Variants in ANKRA2 observed in about 807,000 individuals in gnomAD.
ANKRA2 encodes ankyrin repeat family A protein 2.
ANKRA2 carries 33 observed loss-of-function variants against 37.8 expected under a neutral mutation model. The observed-to-expected ratio is 0.87, with a 90% CI of 0.66 to 1.17. The LOEUF is 1.17. Ranked by LOEUF, ANKRA2 falls within the 50% of genes most tolerant of loss-of-function variation. The pLI, the probability that ANKRA2 is intolerant of heterozygous loss-of-function variation, is 0.00. For synonymous variants in ANKRA2, 126 were observed against 132.3 expected (o/e 0.95, Z 0.33); for missense variants, 326 against 373.7 (o/e 0.87, Z 1.05).
At chr5:73,561,377 G>A in intron 2 of ANKRA2, 89 bp from the exon 3 acceptor site, 1 of 1,218,406 alleles carries the variant, frequency 8.2e-7, no homozygotes, top group Non-Finnish European at 1.2e-6. Context: ...TACATGAGGT[G>A]TAATAGCTTC....
rs1747705152 is a variant in ANKRA2 at position 73,565,384 on chromosome 5, G to A, written c.-357C>T. On this transcript the variant is annotated 5_prime_UTR_variant, in exon 1 of 9. Coordinates refer to ENST00000296785, the MANE Select transcript of ANKRA2 (RefSeq NM_023039.5). Reference sequence around the variant, plus strand: ...AGTCGGGCCTTCCCATCTGAGGCCAGCTTCAGTACAGGCCTCCAAGCCCGG... The same window carrying A: ...AGTCGGGCCTTCCCATCTGAGGCCAACTTCAGTACAGGCCTCCAAGCCCGG... 1 of 163,302 alleles carries A rather than the reference G, an allele frequency of 6.1e-6. No homozygotes were observed. Among genetic ancestry groups the A allele is most frequent in the Non-Finnish European group, 1.4e-5 (1 of 73,722 alleles). 10.1% of individuals were successfully genotyped at this position (163,302 alleles called of 1,614,324 possible). A position where few individuals can be genotyped will look rare whatever the true frequency, so the allele number is the denominator to read the frequency against.
intron 5 of ANKRA2, 83 bp downstream of exon 5, chr5:73,555,405 T>C: frequency 6.4e-7 from 1 of 1,559,530 alleles, no homozygotes; most frequent in Non-Finnish European, 8.7e-7. Flanking sequence ...CCATTATATC[T>C]AGCTGGCTGG....
In ANKRA2 at chr5:73,555,497, TA is replaced by T. The variant is rs1325892820; in HGVS notation, c.602del (p.Leu201HisfsTer11). 6.2e-7 allele frequency: 1 copy of T among 1,613,060 alleles called. No homozygotes were observed. Among genetic ancestry groups the T allele is most frequent in the East Asian group, 2.2e-5 (1 of 44,882 alleles). ...AHGQIAVVEF[L>X]LQNGADPQLL... ...GAGGCATTTTCCTTACATTCTGAAG[TA>T]GGAACTCTACCACAGCTATTTGCCC... On this transcript the variant is annotated frameshift_variant, in exon 5 of 9. Coordinates refer to ENST00000296785, the MANE Select transcript of ANKRA2 (RefSeq NM_023039.5). LOFTEE classifies it high-confidence loss of function.
intron 3 of ANKRA2, 70 bp from the exon 4 acceptor site, chr5:73,557,710 T>C (rs1747439740): frequency 9.1e-7 from 1 of 1,094,786 alleles, no homozygotes; most frequent in South Asian, 1.5e-5. Flanking sequence ...ATGGTTCATG[T>C]TTGTGTCACC....
intron 1 of ANKRA2, among the ~76,000 whole-genome samples, chr5:73,564,325 C>T (rs971594175): frequency 6.6e-6 from 1 of 152,116 alleles, no homozygotes; most frequent in Non-Finnish European, 1.5e-5. Context: ...AGTGCAACTC[C>T]CCTAAGCTCT....
Position 73,557,529 on chromosome 5 carries a change from A to G in ANKRA2, c.514+46T>C, listed in dbSNP as rs766298034. 4 of 1,319,360 alleles carry G rather than the reference A, an allele frequency of 3.0e-6. No homozygotes were observed. In the South Asian group the frequency reaches 4.4e-5, roughly 15 times the overall value. The allele number at this position is 1,319,360 out of a possible 1,614,324, so 81.7% of individuals were successfully genotyped here. On this transcript the variant is annotated intron_variant, in intron 4 of 8. Transcript: ENST00000296785. ...TTAAAATAAAACAATAACAAATCTA[A>G]TAAATCCTATTGAATTTGTTTAAAT...
intron 2 of ANKRA2, among the ~76,000 whole-genome samples, chr5:73,561,748 C>CA (rs1458672005): frequency 6.6e-6 from 1 of 151,350 alleles, no homozygotes; most frequent in Non-Finnish European, 1.5e-5. Flanking sequence ...GCCTGGGTGA[C>CA]AGAGAGAGGC....
At chr5:73,557,488 T>C in intron 4 of ANKRA2, 87 bp downstream of exon 4, 1 of 897,770 alleles carries the variant, frequency 1.1e-6, no homozygotes, top group Non-Finnish European at 1.6e-6. Flanking sequence ...GTTTTTGTCT[T>C]TAGGACTTTC....
At chr5:73,557,968 T>G (rs917658434) in intron 3 of ANKRA2, among the ~76,000 whole-genome samples, 1 of 151,974 alleles carries the variant, frequency 6.6e-6, no homozygotes, top group Admixed American at 6.6e-5. Context: ...TCCCAGCTAC[T>G]TGGGAGGCTG....
rs370268449 is a variant in ANKRA2, at chr5:73,555,506, T to C, written c.594A>G (p.Val198=). 6.8e-6 allele frequency: 11 copies of C among 1,613,440 alleles called. No individual in the cohort carries two copies. The African/African-American group carries it at 1.5e-4, about 22-fold the overall frequency. ...WAAAHGQIAV[V]EFLLQNGADP... ...TCCTTACATTCTGAAGTAGGAACTC[T>C]ACCACAGCTATTTGCCCGTGTGCTG... Residue 198 remains valine, a synonymous_variant, in exon 5 of 9, where the codon GTA becomes GTG. Coordinates refer to ENST00000296785, the MANE Select transcript of ANKRA2 (RefSeq NM_023039.5).
intron 7 of ANKRA2, among the ~76,000 whole-genome samples, chr5:73,553,851 T>G (rs1747320223): frequency 6.6e-6 from 1 of 152,150 alleles, no homozygotes; most frequent in South Asian, 2.1e-4. Flanking sequence ...CTCGGCTCAT[T>G]GCAACCTCTG....
At chr5:73,562,452 G>T in intron 2 of ANKRA2, 141 bp downstream of exon 2, 2 of 669,582 alleles carry the variant, frequency 3.0e-6, no homozygotes, top group Non-Finnish European at 2.4e-6. Context: ...TTTTAATTTT[G>T]GTTTCTATGA....
In ANKRA2 at chr5:73,554,365, A is replaced by G. The variant is rs767512583; in HGVS notation, c.762T>C (p.Tyr254=). 2 of 1,613,792 alleles carry G rather than the reference A, an allele frequency of 1.2e-6. No homozygotes were observed. The highest frequency in any genetic ancestry group is 2.2e-5 in the South Asian group (2 of 91,048). Residue 254 remains tyrosine, a synonymous_variant, in exon 7 of 9, where the codon TAT becomes TAC. Transcript: ENST00000296785. ...ATTTCACATGATTTCCATGTACAGC[A>G]TAAAGCAGAGGTGTTCCTCCATTCT... The part of the protein sequence containing the change: ...YDWNGGTPLL[Y]AVHGNHVKCV...
intron 4 of ANKRA2, 121 bp downstream of exon 4, chr5:73,557,454 C>T (rs1404520798): frequency 2.3e-5 from 9 of 384,198 alleles, no homozygotes. Flanking sequence ...GGGTTATCTG[C>T]CTGGTGAGTT....
intron 3 of ANKRA2, among the ~76,000 whole-genome samples, chr5:73,558,700 A>G (rs766180798): frequency 2.0e-5 from 3 of 152,072 alleles, no homozygotes; most frequent in Non-Finnish European, 4.4e-5. Flanking sequence ...CCACATCCAG[A>G]TAATTTTCAT....
In ANKRA2 at chr5:73,563,040, A is replaced by C. The variant is rs148191946; in HGVS notation, c.-104-55T>G. ...ATTCTATCAGCTTAGGTAAAAACAC[A>C]CAAAATAATCATTTTCAATCAAGTA... On this transcript the variant is annotated intron_variant, in intron 1 of 8. Coordinates refer to ENST00000296785, the MANE Select transcript of ANKRA2 (RefSeq NM_023039.5). 300 of 624,158 alleles carry C rather than the reference A, an allele frequency of 4.8e-4. No individual in the cohort carries two copies. The African/African-American group carries it at 5.1e-3, about 11-fold the overall frequency. 38.7% of individuals were successfully genotyped at this position (624,158 alleles called of 1,614,324 possible).
rs1305291427 is a variant in ANKRA2, at chr5:73,562,832, T to C, written c.50A>G (p.Glu17Gly). 2 of 1,613,496 alleles carry C rather than the reference T, an allele frequency of 1.2e-6. No individual in the cohort carries two copies. Among genetic ancestry groups the C allele is most frequent in the Non-Finnish European group, 1.7e-6 (2 of 1,179,566 alleles). Residue 17 changes from glutamate to glycine, a missense_variant, in exon 2 of 9, where the codon GAG (glutamate) becomes GGG (glycine). By Grantham distance (98) the Glu-to-Gly change is moderately conservative. Coordinates refer to ENST00000296785, the MANE Select transcript of ANKRA2 (RefSeq NM_023039.5). ...LDIGAQLIVE[E>G]CPSTYSLTGM... is the part of the protein sequence containing the mutation. ...AGTTAGGCTATAAGTGCTGGGACAC[T>C]CTTCCACGATAAGCTGGGCTCCAAT... is the stretch of plus-strand genomic sequence containing the variant.
chr5:73,558,578 A>G (rs1747462121), intron 3 of ANKRA2, among the ~76,000 whole-genome samples: 1 of 152,210 alleles, frequency 6.6e-6, no homozygotes, highest in Admixed American at 6.5e-5. Flanking sequence ...TTTATCACCC[A>G]GGCTTGAGTG....
In ANKRA2 at chr5:73,552,853, C is replaced by T; in HGVS notation, c.887-1G>A. The T allele has an allele frequency of 6.3e-7, 1 of 1,599,734 alleles. No individual in the cohort carries two copies. Among genetic ancestry groups the T allele is most frequent in the Non-Finnish European group, 8.6e-7 (1 of 1,168,386 alleles). ...AAATGTGACTCAATAACCTGTTGAA[C>T]TAGAACAGATAGGTAATCAAGATTA... On this transcript the variant is annotated splice_acceptor_variant, in intron 8 of 8. Coordinates refer to ENST00000296785, the MANE Select transcript of ANKRA2 (RefSeq NM_023039.5). LOFTEE classifies it high-confidence loss of function.
Sources: gnomAD v4.1 joint callset for allele counts (sites outside exome capture counted in the v4.1 genomes callset) on GRCh38, gnomAD v4.1.1 for gene constraint, MANE v1.5 for transcripts, NCBI Gene and HGNC (gene_info 2026-07-23, HGNC 2026-07-21) for gene names.